The following CHAC1 variants were observed in gnomAD, a reference collection of about 807,000 sequenced individuals.
CHAC1 encodes the protein glutathione-specific gamma-glutamylcyclotransferase 1.
A neutral mutation model predicts 22.1 loss-of-function variants in CHAC1; 22 were observed. The ratio of observed to expected loss-of-function variants is 1.00; its 90% CI spans 0.71 to 1.42. CHAC1 has a LOEUF of 1.42. Ranked by LOEUF, CHAC1 falls within the 40% of genes most tolerant of loss-of-function variation. CHAC1 has a pLI of 0.00. For synonymous variants in CHAC1, 145 were observed against 128.7 expected, an observed-to-expected ratio of 1.13 and a Z score of -0.86; for missense variants, 272 against 299.2, an observed-to-expected ratio of 0.91 and a Z score of 0.67.
In CHAC1 at chr15:40,955,486, C is replaced by T; in HGVS notation, c.381C>T (p.Thr127=). The change falls in exon 3 of 3, where the codon ACC becomes ACT. Residue 127 remains threonine, a synonymous_variant. Coordinates refer to ENST00000617768, the MANE Select transcript of CHAC1 (RefSeq NM_024111.6). ...VLGGYDTKEV[T]FYPQDAPDQP... Reference sequence around the variant, plus strand: ...GTGGCTACGATACCAAGGAGGTCACCTTCTATCCCCAAGATGCTCCTGACC... The same window carrying T: ...GTGGCTACGATACCAAGGAGGTCACTTTCTATCCCCAAGATGCTCCTGACC... 1 of 1,614,200 alleles carries T rather than the reference C, an allele frequency of 6.2e-7. No homozygotes were observed.
rs138308071 is a variant in CHAC1, at chr15:40,953,697, C to T, written c.114C>T (p.Tyr38=). 1.6e-5 allele frequency: 25 copies of T among 1,607,156 alleles called. No homozygotes were observed. In the African/African-American group the frequency reaches 2.9e-4, roughly 19 times the overall value. Residue 38 remains tyrosine, a synonymous_variant, in exon 1 of 3, where the codon TAC becomes TAT. Coordinates refer to ENST00000617768, the MANE Select transcript of CHAC1 (RefSeq NM_024111.6). ...GDPQALWIFG[Y]GSLVWRPDFA... is the part of the protein sequence containing the mutation. ...CTCAAGCGCTGTGGATTTTCGGGTA[C>T]GGCTCCCTGGTGTGGAGGCCCGACT... is the stretch of plus-strand genomic sequence containing the variant.
chr15:40,954,390 C>A, intron 2 of CHAC1, 127 bp downstream of exon 2: 2 of 949,936 alleles, frequency 2.1e-6, no homozygotes, highest in Non-Finnish European at 3.3e-6. Context: ...GAAACGTGTT[C>A]TAGCTCAGTG....
rs1240747381 is a variant in CHAC1, at chr15:40,953,741, G to A, written c.158G>A (p.Arg53His). ...CCCGACTTCGCCTACAGCGACAGCCGTGTGGGCTTCGTGCGCGGCTACAGC... is the reference window on the plus strand; with the variant it reads ...CCCGACTTCGCCTACAGCGACAGCCATGTGGGCTTCGTGCGCGGCTACAGC... Reference protein sequence around the residue: ...WRPDFAYSDSRVGFVRGYSRR... With the variant: ...WRPDFAYSDSHVGFVRGYSRR... Residue 53 changes from arginine (R) to histidine (H), a missense_variant, in exon 1 of 3, where the codon CGT becomes CAT. Transcript: ENST00000617768. The A allele has an allele frequency of 6.2e-7, 1 of 1,602,614 alleles. No homozygotes were observed. Among genetic ancestry groups the A allele is most frequent in the Non-Finnish European group, 8.5e-7 (1 of 1,179,794 alleles).
At chr15:40,955,018 C>A (rs1280981697) in intron 2 of CHAC1, among the ~76,000 whole-genome samples, 1 of 152,002 alleles carries the variant, frequency 6.6e-6, no homozygotes, top group Non-Finnish European at 1.5e-5. Context: ...CTCACCCTCC[C>A]GAGTAGCTGG....
In CHAC1 at chr15:40,953,664, C is replaced by T. The variant is rs1397720415; in HGVS notation, c.81C>T (p.Asp27=). The T allele has an allele frequency of 1.2e-6, 2 of 1,608,972 alleles. No individual in the cohort carries two copies. Among genetic ancestry groups the T allele is most frequent in the Admixed American group, 1.7e-5 (1 of 60,024 alleles). ...CGTCCGCTCAGTTCCCCCGAAACGA[C>T]GGCGACCCTCAAGCGCTGTGGATTT... ...PTPSAQFPRN[D]GDPQALWIFG... The change falls in exon 1 of 3, where the codon GAC becomes GAT. Residue 27 remains aspartate (D), a synonymous_variant. Coordinates refer to ENST00000617768, the MANE Select transcript of CHAC1 (RefSeq NM_024111.6).
chr15:40,954,125 G>A, intron 1 of CHAC1, 103 bp from the exon 2 acceptor site: 2 of 1,204,742 alleles, frequency 1.7e-6, no homozygotes, highest in Admixed American at 3.6e-5. Context: ...ATGCAGAGTG[G>A]GGCACTTGGA....
At chr15:40,954,400 G>T in intron 2 of CHAC1, 137 bp downstream of exon 2, 3 of 863,494 alleles carry the variant, frequency 3.5e-6, no homozygotes, top group Middle Eastern at 3.3e-4. Context: ...CTAGCTCAGT[G>T]CTTCTCACCA....
Position 40,954,269 on chromosome 15 carries a change from T to C in CHAC1, c.267+6T>C. On this transcript the variant is annotated splice_donor_region_variant and intron_variant, in intron 2 of 2. Coordinates refer to ENST00000617768, the MANE Select transcript of CHAC1 (RefSeq NM_024111.6). ...CGCTCCTTGAAGATCATGAGGTAAGTGCCCGAATCATGAAGGGGAACCCTG... is the reference window on the plus strand; with the variant it reads ...CGCTCCTTGAAGATCATGAGGTAAGCGCCCGAATCATGAAGGGGAACCCTG... 3 of 1,614,000 alleles carry C rather than the reference T, an allele frequency of 1.9e-6. No homozygotes were observed. Among genetic ancestry groups the C allele is most frequent in the Non-Finnish European group, 2.5e-6 (3 of 1,179,986 alleles).
chr15:40,955,412 C>T lies in CHAC1; in HGVS notation c.307C>T (p.Gln103Ter), dbSNP rs768952813. ...WGVAYQVQGEQVSKALKYLNV... is the reference protein window; with the variant it reads ...WGVAYQVQGE ...CGTGGCATACCAAGTGCAAGGGGAGCAGGTAAGCAAGGCCCTGAAGTACCT... is the reference window on the plus strand; with the variant it reads ...CGTGGCATACCAAGTGCAAGGGGAGTAGGTAAGCAAGGCCCTGAAGTACCT... The change falls in exon 3 of 3, where the codon CAG (glutamine) becomes TAG (stop). Residue 103 changes from glutamine to a stop codon, truncating the protein, a stop_gained. Coordinates refer to ENST00000617768, the MANE Select transcript of CHAC1 (RefSeq NM_024111.6). LOFTEE classifies it high-confidence loss of function. 1 of 1,614,052 alleles carries T rather than the reference C, an allele frequency of 6.2e-7. No homozygotes were observed. The highest frequency in any genetic ancestry group is 8.5e-7 in the Non-Finnish European group (1 of 1,179,992).
intron 2 of CHAC1, 146 bp downstream of exon 2, chr15:40,954,409 C>T: frequency 3.7e-6 from 3 of 808,600 alleles, no homozygotes; most frequent in South Asian, 1.5e-5. Flanking sequence ...TGCTTCTCAC[C>T]AAATCACATG....
Position 40,953,593 on chromosome 15 carries a change from G to T in CHAC1, c.10G>T (p.Glu4Ter), listed in dbSNP as rs745664964. 6.2e-6 allele frequency: 10 copies of T among 1,610,076 alleles called. No homozygotes were observed. The highest frequency in any genetic ancestry group is 7.6e-6 in the Non-Finnish European group (9 of 1,179,862). The change falls in exon 1 of 3, where the codon GAG becomes TAG. Residue 4 changes from glutamate to a stop codon, truncating the protein, a stop_gained. Coordinates refer to ENST00000617768, the MANE Select transcript of CHAC1 (RefSeq NM_024111.6). LOFTEE classifies it high-confidence loss of function. MKQ[E>*]SAAPNTPPTS... is the part of the protein sequence containing the mutation. ...CCCTGTGCCAGGCACCATGAAGCAGGAGTCTGCAGCCCCGAACACCCCGCC... is the reference window on the plus strand; with the variant it reads ...CCCTGTGCCAGGCACCATGAAGCAGTAGTCTGCAGCCCCGAACACCCCGCC...
At position 40,953,773 on chromosome 15, in the gene CHAC1, T is replaced by C. The variant is rs1446756335; in HGVS notation, c.190T>C (p.Phe64Leu). ...CTTCGTGCGCGGCTACAGCCGCCGT[T>C]TCTGGCAGGGAGACACCTTCCATCG... ...VGFVRGYSRRFWQGDTFHRGS... is the reference protein window; with the variant it reads ...VGFVRGYSRRLWQGDTFHRGS... The change falls in exon 1 of 3, where the codon TTC becomes CTC. Residue 64 changes from phenylalanine to leucine, a missense_variant. Coordinates refer to ENST00000617768, the MANE Select transcript of CHAC1 (RefSeq NM_024111.6). 6.3e-7 allele frequency: 1 copy of C among 1,599,156 alleles called. No homozygotes were observed. Among genetic ancestry groups the C allele is most frequent in the Admixed American group, 1.7e-5 (1 of 59,938 alleles).
Position 40,955,745 on chromosome 15 carries a change from C to T in CHAC1, c.640C>T (p.Pro214Ser), listed in dbSNP as rs768227331. 6.3e-7 allele frequency: 1 copy of T among 1,599,732 alleles called. No individual in the cohort carries two copies. Among genetic ancestry groups the T allele is most frequent in the Non-Finnish European group, 8.5e-7 (1 of 1,178,496 alleles). ...AVGTMLPCFC[P>S]TEQALALV The stretch of plus-strand genomic sequence containing the variant: ...GGGCACCATGTTGCCCTGCTTCTGC[C>T]CCACCGAGCAGGCTCTGGCGCTGGT... Residue 214 changes from proline to serine, a missense_variant, in exon 3 of 3, where the codon CCC becomes TCC. Physicochemically the swap from Pro to Ser is moderately conservative, Grantham distance 74 (BLOSUM62 -1). Coordinates refer to ENST00000617768, the MANE Select transcript of CHAC1 (RefSeq NM_024111.6).
In CHAC1 at chr15:40,955,666, G is replaced by A; in HGVS notation, c.561G>A (p.Gln187=). The change falls in exon 3 of 3, where the codon CAG becomes CAA. Residue 187 remains glutamine, a synonymous_variant. Transcript: ENST00000617768. ...EYLLRLADFM[Q]LCGPQAQDEH... is the part of the protein sequence containing the mutation. Reference sequence around the variant, plus strand: ...TGCTGCGTCTGGCAGACTTCATGCAGCTCTGTGGGCCTCAGGCGCAGGACG... The same window carrying A: ...TGCTGCGTCTGGCAGACTTCATGCAACTCTGTGGGCCTCAGGCGCAGGACG... The A allele has an allele frequency of 6.2e-7, 1 of 1,612,074 alleles. No homozygotes were observed. Among genetic ancestry groups the A allele is most frequent in the African/African-American group, 1.3e-5 (1 of 75,064 alleles).
rs557691450 is a variant in CHAC1 at position 40,953,636 on chromosome 15, C to T, written c.53C>T (p.Thr18Met). Residue 18 changes from threonine (T) to methionine (M), a missense_variant, in exon 1 of 3, where the codon ACG (threonine) becomes ATG (methionine). By Grantham distance (81) the Thr-to-Met change is moderately conservative (BLOSUM62 -1). Coordinates refer to ENST00000617768, the MANE Select transcript of CHAC1 (RefSeq NM_024111.6). The stretch of plus-strand genomic sequence containing the variant: ...ACCCCGCCCACCTCGCAGTCCCCTA[C>T]GCCGTCCGCTCAGTTCCCCCGAAAC... ...PNTPPTSQSP[T>M]PSAQFPRNDG... 2 of 1,609,834 alleles carry T rather than the reference C, an allele frequency of 1.2e-6. No individual in the cohort carries two copies. The highest frequency in any genetic ancestry group is 1.6e-4 in the Middle Eastern group (1 of 6,062).
intron 2 of CHAC1, among the ~76,000 whole-genome samples, chr15:40,954,685 C>T (rs1416672905): frequency 6.6e-6 from 1 of 152,136 alleles, no homozygotes; most frequent in African/African-American, 2.4e-5. Flanking sequence ...CTCACTGCAA[C>T]ATCTGCCTTC....
At position 40,955,792 on chromosome 15, in the gene CHAC1, G is replaced by C. The variant is rs1457625710; in HGVS notation, c.*18G>C. On this transcript the variant is annotated 3_prime_UTR_variant, in exon 3 of 3. Transcript: ENST00000617768. Reference sequence around the variant, plus strand: ...TGGTGTGAGGGGCTGAGCCCCTGCGGGGAGTGCTCATGTGGACATCAGGGC... The same window carrying C: ...TGGTGTGAGGGGCTGAGCCCCTGCGCGGAGTGCTCATGTGGACATCAGGGC... The C allele has an allele frequency of 1.3e-6, 2 of 1,570,760 alleles. No homozygotes were observed. The highest frequency in any genetic ancestry group is 2.7e-5 in the African/African-American group (2 of 74,360).
intron 1 of CHAC1, 140 bp from the exon 2 acceptor site, chr15:40,954,088 C>A: frequency 2.3e-6 from 2 of 869,654 alleles, no homozygotes; most frequent in Non-Finnish European, 3.7e-6. Context: ...CGCTCCCCCA[C>A]CTTCCCCTGC....
rs1231749220 is a variant in CHAC1, at chr15:40,955,791, G to T, written c.*17G>T. ...CTGGTGTGAGGGGCTGAGCCCCTGC[G>T]GGGAGTGCTCATGTGGACATCAGGG... On this transcript the variant is annotated 3_prime_UTR_variant, in exon 3 of 3. Coordinates refer to ENST00000617768, the MANE Select transcript of CHAC1 (RefSeq NM_024111.6). The T allele has an allele frequency of 1.3e-6, 2 of 1,571,532 alleles. No individual in the cohort carries two copies. The highest frequency in any genetic ancestry group is 1.7e-6 in the Non-Finnish European group (2 of 1,164,298).
Sources: gnomAD v4.1 joint callset for allele counts (sites outside exome capture counted in the v4.1 genomes callset) on GRCh38, gnomAD v4.1.1 for gene constraint, MANE v1.5 for transcripts, NCBI Gene and HGNC (gene_info 2026-07-23, HGNC 2026-07-21) for gene names.